The following PAWR variants were observed in gnomAD, a reference collection of about 807,000 sequenced individuals.
PAWR encodes the protein pro-apoptotic WT1 regulator, also known as PRKC apoptosis WT1 regulator protein.
In PAWR, 23 loss-of-function variants were observed where a neutral mutation model predicts 32.0. The observed-to-expected ratio is 0.72, with a 90% confidence interval of 0.52 to 1.02. PAWR has a LOEUF of 1.02. PAWR is among the 50% of genes least tolerant of loss of function. The pLI is 0.00. For synonymous variants in PAWR, 226 were observed against 187.1 expected, an observed-to-expected ratio of 1.21 and a Z score of -1.70; for missense variants, 457 against 437.7, an observed-to-expected ratio of 1.04 and a Z score of -0.39.
intron 2 of PAWR, among the ~76,000 whole-genome samples, chr12:79,627,133 T>C (rs1875373118): frequency 6.6e-6 from 1 of 152,170 alleles, no homozygotes; most frequent in African/African-American, 2.4e-5. Context: ...TCAAATGGTA[T>C]TTCTAGTTCT....
At chr12:79,662,011 C>A (rs1877374873) in intron 2 of PAWR, among the ~76,000 whole-genome samples, 1 of 151,932 alleles carries the variant, frequency 6.6e-6, no homozygotes, top group Admixed American at 6.6e-5. Context: ...TTTCAAAAAG[C>A]TCTATTTCAA....
Position 79,591,711 on chromosome 12 carries a change from G to A in PAWR, c.*896C>T, listed in dbSNP as rs1181985003. 2 of 151,976 alleles carry A rather than the reference G, an allele frequency of 1.3e-5. No homozygotes were observed. Among genetic ancestry groups the A allele is most frequent in the African/African-American group, 2.4e-5 (1 of 41,400 alleles). 9.4% of individuals were successfully genotyped at this position (151,976 alleles called of 1,614,324 possible). A position where few individuals can be genotyped will look rare whatever the true frequency, so the allele number is the denominator to read the frequency against. ...TTAGTACTATTTCTGCTTACATATTGTTTTGTATGAATGTTTTAAGTATGA... is the reference window on the plus strand; with the variant it reads ...TTAGTACTATTTCTGCTTACATATTATTTTGTATGAATGTTTTAAGTATGA... On this transcript the variant is annotated 3_prime_UTR_variant, in exon 7 of 7. Coordinates refer to ENST00000328827, the MANE Select transcript of PAWR (RefSeq NM_002583.4).
At chr12:79,662,201 C>CAAAAAAAA (rs57565065) in intron 2 of PAWR, among the ~76,000 whole-genome samples, 1 of 45,710 alleles carries the variant, frequency 2.2e-5, no homozygotes, top group South Asian at 8.3e-4. Flanking sequence ...AGACATCTCT[C>CAAAAAAAA]AAAAAAAAAA....
In PAWR at chr12:79,643,254, A is replaced by G. The variant is rs545789740; in HGVS notation, c.517-22047T>C. On this transcript the variant is annotated intron_variant, in intron 2 of 6. Coordinates refer to ENST00000328827, the MANE Select transcript of PAWR (RefSeq NM_002583.4). The stretch of plus-strand genomic sequence containing the variant: ...GAGGAAACTAAGTTAGATATTTACC[A>G]ATTTATATAGTACCCTTAACTTTTA... Among the ~76,000 whole-genome samples, 3 of 152,288 alleles carry G rather than the reference A, an allele frequency of 2.0e-5. No homozygotes were observed. In the East Asian group the frequency reaches 5.8e-4, roughly 29 times the overall value.
Position 79,634,722 on chromosome 12 carries a change from G to T in PAWR, c.517-13515C>A, listed in dbSNP as rs138520325. ...TCCAAACTTTTGTTTCAGATTACTTGTAAGTATACTGAGTCACTTTGTAGA... is the reference window on the plus strand; with the variant it reads ...TCCAAACTTTTGTTTCAGATTACTTTTAAGTATACTGAGTCACTTTGTAGA... On this transcript the variant is annotated intron_variant, in intron 2 of 6. Coordinates refer to ENST00000328827, the MANE Select transcript of PAWR (RefSeq NM_002583.4). 6.8e-4 allele frequency among the ~76,000 whole-genome samples: 103 copies of T among 151,904 alleles called. 1 individual carries two copies. The East Asian group carries it at 0.016, about 23-fold the overall frequency.
rs569405931 is a variant in PAWR, at chr12:79,664,661, G to T, written c.516+25068C>A. Among the ~76,000 whole-genome samples the T allele has an allele frequency of 6.7e-5, 10 of 149,040 alleles. No homozygotes were observed. The South Asian group carries it at 2.1e-3, about 32-fold the overall frequency. ...AAGGACAAAGTAGACTCTTTGGCGGGGGGGGGAGGAGAGAGAGAGAGTGGT... is the reference window on the plus strand; with the variant it reads ...AAGGACAAAGTAGACTCTTTGGCGGTGGGGGGAGGAGAGAGAGAGAGTGGT... On this transcript the variant is annotated intron_variant, in intron 2 of 6. Transcript: ENST00000328827.
At chr12:79,639,265 A>G (rs1204312249) in intron 2 of PAWR, among the ~76,000 whole-genome samples, 1 of 151,868 alleles carries the variant, frequency 6.6e-6, no homozygotes, top group Non-Finnish European at 1.5e-5. Flanking sequence ...AAGCCATATT[A>G]TTTTTATCAT....
At chr12:79,665,063 G>GA (rs1283968526) in intron 2 of PAWR, among the ~76,000 whole-genome samples, 2 of 151,830 alleles carry the variant, frequency 1.3e-5, no homozygotes, top group South Asian at 2.1e-4. Flanking sequence ...CCAATAATAT[G>GA]AAAAAACAGA....
At chr12:79,594,212 T>A in intron 6 of PAWR, 117 bp downstream of exon 6, 1 of 551,570 alleles carries the variant, frequency 1.8e-6, no homozygotes, top group Non-Finnish European at 3.2e-6. Flanking sequence ...CTAATTATTA[T>A]TTCACTAACA....
chr12:79,648,808 A>T (rs1356384717), intron 2 of PAWR, among the ~76,000 whole-genome samples: 1 of 151,850 alleles, frequency 6.6e-6, no homozygotes, highest in Non-Finnish European at 1.5e-5. Context: ...AAAAAAATAA[A>T]AAAACCCTAA....
intron 2 of PAWR, among the ~76,000 whole-genome samples, chr12:79,680,165 A>AT (rs1419677055): frequency 6.6e-6 from 1 of 152,194 alleles, no homozygotes; most frequent in Non-Finnish European, 1.5e-5. Flanking sequence ...AATAACACTA[A>AT]TTTTGTGTTT....
intron 5 of PAWR, among the ~76,000 whole-genome samples, chr12:79,595,052 G>C (rs1873699291): frequency 6.6e-6 from 1 of 152,032 alleles, no homozygotes; most frequent in Admixed American, 6.6e-5. Flanking sequence ...ACCACTATAA[G>C]TTATGAACTA....
intron 3 of PAWR, among the ~76,000 whole-genome samples, chr12:79,620,586 A>C (rs1490082231): frequency 6.6e-6 from 1 of 152,188 alleles, no homozygotes; most frequent in East Asian, 1.9e-4. Flanking sequence ...CAGAGTCCCA[A>C]GTAGAATGTG....
At chr12:79,599,688 T>C (rs1341943970) in intron 4 of PAWR, among the ~76,000 whole-genome samples, 2 of 152,262 alleles carry the variant, frequency 1.3e-5, no homozygotes, top group East Asian at 3.8e-4. Flanking sequence ...CTTATTTGTC[T>C]GAGAGTTAGT....
At chr12:79,618,543 T>C (rs1874854801) in intron 3 of PAWR, among the ~76,000 whole-genome samples, 1 of 152,178 alleles carries the variant, frequency 6.6e-6, no homozygotes, top group South Asian at 2.1e-4. Context: ...ATTCCTCCTA[T>C]CTAACTGTAA....
chr12:79,679,425 C>A (rs1443332538), intron 2 of PAWR, among the ~76,000 whole-genome samples: 1 of 152,060 alleles, frequency 6.6e-6, no homozygotes, highest in African/African-American at 2.4e-5. Context: ...CACAGGCAAC[C>A]TTAGAGAGAT....
rs1375934229 is a variant in PAWR at position 79,585,978 on chromosome 12, C to T, written c.*6629G>A. The T allele has an allele frequency of 6.6e-6, 1 of 152,212 alleles. No homozygotes were observed. The highest frequency in any genetic ancestry group is 1.9e-4 in the East Asian group (1 of 5,198). 9.4% of individuals were successfully genotyped at this position (152,212 alleles called of 1,614,324 possible). A position where few individuals can be genotyped will look rare whatever the true frequency, so the allele number is the denominator to read the frequency against. ...AGGCATATTGGTTTTAAAAGGGTTA[C>T]AAGAAACAAGATGCACTTTTAGGCC... On this transcript the variant is annotated 3_prime_UTR_variant, in exon 7 of 7. Transcript: ENST00000328827.
At chr12:79,605,432 T>A (rs574237653) in intron 4 of PAWR, among the ~76,000 whole-genome samples, 2 of 152,232 alleles carry the variant, frequency 1.3e-5, no homozygotes, top group South Asian at 2.1e-4. Context: ...CATCTTAACA[T>A]GGGTGTCCTA....
rs1217209314 is a variant in PAWR at position 79,587,002 on chromosome 12, G to T, written c.*5605C>A. 3 of 152,090 alleles carry T rather than the reference G, an allele frequency of 2.0e-5. No individual in the cohort carries two copies. The highest frequency in any genetic ancestry group is 4.4e-5 in the Non-Finnish European group (3 of 67,968). 9.4% of individuals were successfully genotyped at this position (152,090 alleles called of 1,614,324 possible). On this transcript the variant is annotated 3_prime_UTR_variant, in exon 7 of 7. Transcript: ENST00000328827. ...AAAGATGAAGAAAAACTGAAAAAATGAGATTAAGAAAATATGTGGGTAGTT... is the reference window on the plus strand; with the variant it reads ...AAAGATGAAGAAAAACTGAAAAAATTAGATTAAGAAAATATGTGGGTAGTT...
Sources: allele counts gnomAD v4.1 joint callset (sites outside exome capture counted in the v4.1 genomes callset), GRCh38; gene constraint gnomAD v4.1.1; transcripts MANE v1.5; gene names NCBI Gene and HGNC (gene_info 2026-07-23, HGNC 2026-07-21).